The following CFAP44 variants were observed in gnomAD, a reference collection of about 807,000 sequenced individuals.
CFAP44 encodes the protein cilia- and flagella-associated protein 44.
Under a neutral mutation model 216.2 loss-of-function variants are expected in CFAP44, and 134 were observed. That is an observed-to-expected ratio of 0.62 (90% CI 0.54 to 0.72). The LOEUF (loss-of-function observed/expected upper bound fraction) is 0.72. Ranked by LOEUF, CFAP44 falls within the 30% of genes least tolerant of loss-of-function variation. The probability of loss-of-function intolerance (pLI) is 0.00; values close to 1 mark genes in which losing one functional copy is unlikely to be tolerated. For synonymous variants in CFAP44, 700 were observed against 727.6 expected (o/e 0.96, Z 0.61); for missense variants, 2,035 against 2,182.1 (o/e 0.93, Z 1.34).
At chr3:113,320,677 G>T (rs1039874126) in intron 28 of CFAP44, among the ~76,000 whole-genome samples, 16 of 151,788 alleles carry the variant, frequency 1.1e-4, no homozygotes, top group African/African-American at 3.9e-4. Context: ...GCAAGCTGAG[G>T]AGCAAGAAAA....
At chr3:113,334,959 A>G (rs1950270152) in intron 24 of CFAP44, among the ~76,000 whole-genome samples, 1 of 152,190 alleles carries the variant, frequency 6.6e-6, no homozygotes, top group Non-Finnish European at 1.5e-5. Flanking sequence ...CATACCATCT[A>G]TTGTATTAAC....
In CFAP44 at chr3:113,364,046, C is replaced by A. The variant is rs958192554; in HGVS notation, c.2716-514G>T. On this transcript the variant is annotated intron_variant, in intron 19 of 34. Coordinates refer to ENST00000393845, the MANE Select transcript of CFAP44 (RefSeq NM_001164496.2). ...TGGAAAATGCAAAGAACAATATAAT[C>A]CCCCTCCTTGAAAGAGAAAGATATG... 3.9e-5 allele frequency among the ~76,000 whole-genome samples: 6 copies of A among 152,168 alleles called. No homozygotes were observed. The South Asian group carries it at 1.2e-3, about 32-fold the overall frequency.
intron 2 of CFAP44, 108 bp from the exon 3 acceptor site, chr3:113,427,447 T>C (rs1934992877): frequency 7.9e-6 from 6 of 761,736 alleles, no homozygotes; most frequent in South Asian, 6.4e-5. Flanking sequence ...ATAAATCTAA[T>C]ACATACTCAA....
intron 25 of CFAP44, among the ~76,000 whole-genome samples, chr3:113,331,666 C>T (rs966810438): frequency 2.0e-5 from 3 of 151,780 alleles, no homozygotes; most frequent in African/African-American, 7.3e-5. Context: ...GCAGATTAGG[C>T]CACCAAGAAC....
intron 2 of CFAP44, among the ~76,000 whole-genome samples, chr3:113,428,059 C>G (rs554228028): frequency 6.6e-6 from 1 of 152,154 alleles, no homozygotes; most frequent in African/African-American, 2.4e-5. Context: ...CAATTAGTTG[C>G]GGAACAGGGC....
intron 28 of CFAP44, among the ~76,000 whole-genome samples, chr3:113,312,140 C>T (rs916927950): frequency 2.7e-5 from 4 of 149,316 alleles, no homozygotes; most frequent in Admixed American, 2.7e-4. Context: ...GGCACCATTG[C>T]CACTCACTGC....
intron 1 of CFAP44, among the ~76,000 whole-genome samples, chr3:113,439,545 C>T (rs1165142937): frequency 1.3e-5 from 2 of 152,034 alleles, no homozygotes; most frequent in African/African-American, 4.8e-5. Context: ...TTTCCTTTAC[C>T]TCCCTAAATA....
chr3:113,376,594 G>C (rs1056952102), intron 17 of CFAP44, among the ~76,000 whole-genome samples: 5 of 152,150 alleles, frequency 3.3e-5, no homozygotes, highest in Non-Finnish European at 7.4e-5. Flanking sequence ...TGAGAAGTAT[G>C]AGGGGTCAAC....
chr3:113,386,551 A>G (rs758140898), intron 15 of CFAP44, among the ~76,000 whole-genome samples: 1 of 152,200 alleles, frequency 6.6e-6, no homozygotes, highest in Non-Finnish European at 1.5e-5. Flanking sequence ...AGAGATGCCT[A>G]GGTTGTACAA....
In CFAP44 at chr3:113,400,612, A is replaced by G. The variant is rs961547844; in HGVS notation, c.1407T>C (p.His469=). 3.1e-6 allele frequency: 5 copies of G among 1,611,272 alleles called. No homozygotes were observed. The highest frequency in any genetic ancestry group is 4.2e-6 in the Non-Finnish European group (5 of 1,178,632). The part of the protein sequence containing the change: ...TQDPECLFSF[H]SGAIEAVAVS... ...CAGCCACGGCTTCAATAGCTCCAGA[A>G]TGGAAGGAGAAGAGGCATTCTGGGT... is the stretch of plus-strand genomic sequence containing the variant. The change falls in exon 12 of 35, where the codon CAT becomes CAC. Residue 469 remains histidine (H), a synonymous_variant. Transcript: ENST00000393845.
intron 28 of CFAP44, among the ~76,000 whole-genome samples, chr3:113,319,192 T>C (rs961297450): frequency 3.9e-5 from 6 of 152,112 alleles, no homozygotes; most frequent in African/African-American, 1.4e-4. Context: ...AAGAGGCCCA[T>C]CTCAGATATA....
In CFAP44 at chr3:113,341,359, A is replaced by T. The variant is rs11924754; in HGVS notation, c.3437+385T>A. Among the ~76,000 whole-genome samples the T allele has an allele frequency of 9.4e-3, 1,407 of 150,380 alleles. 19 individuals carry two copies. Among genetic ancestry groups the T allele is most frequent in the African/African-American group, 0.032 (1,290 of 40,688 alleles). On this transcript the variant is annotated intron_variant, in intron 24 of 34. Coordinates refer to ENST00000393845, the MANE Select transcript of CFAP44 (RefSeq NM_001164496.2). ...ATATCAATACTGGATTTTTTTTTTT[A>T]AAAGAAAGCAATTAACTTCAGATGG...
chr3:113,433,542 G>T (rs748565207), intron 2 of CFAP44, 23 bp downstream of exon 2: 5 of 1,408,092 alleles, frequency 3.6e-6, no homozygotes, highest in East Asian at 2.7e-5. Flanking sequence ...ACTTTTAAAA[G>T]TATACATATT....
chr3:113,330,713 A>C, intron 25 of CFAP44, 45 bp from the exon 26 acceptor site: 1 of 1,483,800 alleles, frequency 6.7e-7, no homozygotes, highest in African/African-American at 1.4e-5. Context: ...ACCCTCTGAC[A>C]AATAACTGTA....
At chr3:113,369,505 A>G (rs1436898009) in intron 18 of CFAP44, among the ~76,000 whole-genome samples, 2 of 152,228 alleles carry the variant, frequency 1.3e-5, no homozygotes, top group African/African-American at 4.8e-5. Flanking sequence ...ATGAAGGCAG[A>G]AATAAAGATG....
intron 3 of CFAP44, chr3:113,426,923 C>A: frequency 2.7e-6 from 1 of 376,500 alleles, no homozygotes; most frequent in Non-Finnish European, 4.7e-6. Flanking sequence ...TGAACTCCCA[C>A]TAATCTGTAG....
chr3:113,296,300 T>C (rs1450115997), intron 33 of CFAP44, among the ~76,000 whole-genome samples: 1 of 152,180 alleles, frequency 6.6e-6, no homozygotes, highest in African/African-American at 2.4e-5. Context: ...ACACAGCACA[T>C]TTTCTTTGCC....
intron 5 of CFAP44, among the ~76,000 whole-genome samples, chr3:113,419,799 CATA>C (rs994119232): frequency 1.1e-4 from 16 of 152,152 alleles, no homozygotes; most frequent in Non-Finnish European, 2.1e-4. Flanking sequence ...TGCAAAAAGA[CATA>C]ATAATATTAT....
At chr3:113,422,318 A>C (rs956162500) in intron 4 of CFAP44, among the ~76,000 whole-genome samples, 2 of 152,208 alleles carry the variant, frequency 1.3e-5, no homozygotes, top group Non-Finnish European at 2.9e-5. Context: ...AGTAAATAAT[A>C]ATTTTCAGAG....
Sources: gnomAD v4.1 joint callset for allele counts (sites outside exome capture counted in the v4.1 genomes callset) on GRCh38, gnomAD v4.1.1 for gene constraint, MANE v1.5 for transcripts, NCBI Gene and HGNC (gene_info 2026-07-23, HGNC 2026-07-21) for gene names.